Variants in LSAMP observed in about 807,000 individuals in gnomAD.
LSAMP encodes the protein limbic system-associated membrane protein.
Under a neutral mutation model 38.6 loss-of-function variants are expected in LSAMP, and 7 were observed. The ratio of observed to expected loss-of-function variants is 0.18; its 90% CI spans 0.10 to 0.34. The LOEUF (loss-of-function observed/expected upper bound fraction) is 0.34, where lower values mean the gene tolerates loss of function less well. LSAMP is among the 10% of genes least tolerant of loss of function. The pLI, the probability that LSAMP is intolerant of heterozygous loss-of-function variation, is 1.00. For synonymous variants in LSAMP, 154 were observed against 166.8 expected, an observed-to-expected ratio of 0.92 and a Z score of 0.59; for missense variants, 313 against 420.0, an observed-to-expected ratio of 0.75 and a Z score of 2.23.
chr3:116,192,204 G>C (rs1416832817), intron 1 of LSAMP, among the ~76,000 whole-genome samples: 1 of 152,212 alleles, frequency 6.6e-6, no homozygotes, highest in Non-Finnish European at 1.5e-5. Context: ...GCCAAACAAG[G>C]GCTTAGACAA....
chr3:116,025,858 C>T (rs1488973163), intron 2 of LSAMP, among the ~76,000 whole-genome samples: 4 of 152,100 alleles, frequency 2.6e-5, no homozygotes, highest in African/African-American at 9.7e-5. Flanking sequence ...TTGAATACCA[C>T]ACTATTATGT....
At chr3:115,888,308 CT>C (rs1169616263) in intron 3 of LSAMP, among the ~76,000 whole-genome samples, 1 of 151,878 alleles carries the variant, frequency 6.6e-6, no homozygotes, top group Non-Finnish European at 1.5e-5. Context: ...ACATCCATCC[CT>C]TAATACATTG....
rs114885910 is a variant in LSAMP, at chr3:115,862,447, C to T, written c.515-9830G>A. 7.5e-3 allele frequency among the ~76,000 whole-genome samples: 1,148 copies of T among 152,266 alleles called. 11 individuals are homozygous for T. The highest frequency in any genetic ancestry group is 0.026 in the African/African-American group (1,089 of 41,554). On this transcript the variant is annotated intron_variant, in intron 3 of 6. Coordinates refer to ENST00000490035, the MANE Select transcript of LSAMP (RefSeq NM_002338.5). ...GCCCTTCACCCTTTCTTAACAGAAC[C>T]TGATGTTGCAATGACCTCATATAGG...
intron 1 of LSAMP, among the ~76,000 whole-genome samples, chr3:116,209,109 G>GT (rs1486287682): frequency 6.6e-6 from 1 of 152,310 alleles, no homozygotes; most frequent in African/African-American, 2.4e-5. Flanking sequence ...GTGGTGTGCC[G>GT]TTTTTTAAGC....
intron 1 of LSAMP, among the ~76,000 whole-genome samples, chr3:116,283,954 C>T (rs1385371238): frequency 1.3e-5 from 2 of 151,982 alleles, no homozygotes; most frequent in South Asian, 2.1e-4. Context: ...TGCAGTGAGC[C>T]GAGGTTGCGC....
Position 116,089,840 on chromosome 3 carries a change from A to T in LSAMP, c.156-3284T>A, listed in dbSNP as rs867392827. Among the ~76,000 whole-genome samples, 4 of 152,074 alleles carry T rather than the reference A, an allele frequency of 2.6e-5. No homozygotes were observed. In the East Asian group the frequency reaches 5.8e-4, roughly 22 times the overall value. On this transcript the variant is annotated intron_variant, in intron 1 of 6. Transcript: ENST00000490035. Reference sequence around the variant, plus strand: ...AATAAAAAGGAAACCACTTCTCCAGATCTTTCAGGGTTCCTTTTTATGTAC... The same window carrying T: ...AATAAAAAGGAAACCACTTCTCCAGTTCTTTCAGGGTTCCTTTTTATGTAC...
In LSAMP at chr3:116,263,184, G is replaced by A. The variant is rs966694418; in HGVS notation, c.156-176628C>T. 9.2e-5 allele frequency among the ~76,000 whole-genome samples: 14 copies of A among 152,132 alleles called. No individual in the cohort carries two copies. In the East Asian group the frequency reaches 9.7e-4, roughly 10 times the overall value. On this transcript the variant is annotated intron_variant, in intron 1 of 6. Coordinates refer to ENST00000490035, the MANE Select transcript of LSAMP (RefSeq NM_002338.5). ...AAAGAATGTAATCAGGACAAAAATA[G>A]GAAGGTGATCATAATGAACTATGTC...
intron 3 of LSAMP, among the ~76,000 whole-genome samples, chr3:115,893,599 GA>G (rs1936655679): frequency 6.6e-6 from 1 of 151,846 alleles, no homozygotes; most frequent in Non-Finnish European, 1.5e-5. Context: ...TCATAGTAGA[GA>G]AAAATTGAGT....
At chr3:115,904,212 G>C (rs909973256) in intron 3 of LSAMP, among the ~76,000 whole-genome samples, 2 of 151,886 alleles carry the variant, frequency 1.3e-5, no homozygotes, top group African/African-American at 4.8e-5. Flanking sequence ...AAAAGATAAA[G>C]AGCTATTAAA....
At chr3:116,352,996 T>C (rs1158769833) in intron 1 of LSAMP, among the ~76,000 whole-genome samples, 6 of 152,122 alleles carry the variant, frequency 3.9e-5, no homozygotes, top group African/African-American at 9.6e-5. Flanking sequence ...TAAATACAGG[T>C]CAGCTTCCTC....
chr3:116,000,691 A>G (rs1486063417), intron 3 of LSAMP, among the ~76,000 whole-genome samples: 5 of 152,160 alleles, frequency 3.3e-5, no homozygotes, highest in African/African-American at 1.2e-4. Context: ...TTCAAGTAAC[A>G]CATGTTATCA....
At chr3:115,826,094 T>G (rs1363200497) in intron 6 of LSAMP, among the ~76,000 whole-genome samples, 3 of 150,774 alleles carry the variant, frequency 2.0e-5, no homozygotes, top group African/African-American at 7.4e-5. Flanking sequence ...CTTCTTCTCT[T>G]TCTGTCTTTT....
intron 3 of LSAMP, among the ~76,000 whole-genome samples, chr3:115,927,718 C>T (rs1159007497): frequency 6.6e-5 from 10 of 152,140 alleles, no homozygotes. Flanking sequence ...GGGCTTTGCA[C>T]AGGCTGTACG....
chr3:115,852,697 C>T, intron 3 of LSAMP, 80 bp from the exon 4 acceptor site: 2 of 1,269,712 alleles, frequency 1.6e-6, no homozygotes, highest in Non-Finnish European at 2.1e-6. Context: ...TTTTAAAAGC[C>T]ATAAATCCAC....
At chr3:116,178,216 G>A (rs1207944854) in intron 1 of LSAMP, among the ~76,000 whole-genome samples, 1 of 152,062 alleles carries the variant, frequency 6.6e-6, no homozygotes, top group Non-Finnish European at 1.5e-5. Flanking sequence ...ACCCAGGCTG[G>A]AGTGTAATGG....
At chr3:116,164,691 T>TATATATATATAAAATCCAA (rs1226113401) in intron 1 of LSAMP, among the ~76,000 whole-genome samples, 3 of 83,452 alleles carry the variant, frequency 3.6e-5, no homozygotes, top group Admixed American at 2.8e-4. Context: ...ATAATCCAAA[T>TATATATATATAAAATCCAA]ATATATATAT....
In LSAMP at chr3:116,034,443, T is replaced by A. The variant is rs141531491; in HGVS notation, c.389-14803A>T. On this transcript the variant is annotated intron_variant, in intron 2 of 6. Transcript: ENST00000490035. ...GCCTTTGGCAAGTCACTTAACCTCATCTGGAATATAACTTGGCCCCCAGAG... is the reference window on the plus strand; with the variant it reads ...GCCTTTGGCAAGTCACTTAACCTCAACTGGAATATAACTTGGCCCCCAGAG... 7.6e-4 allele frequency among the ~76,000 whole-genome samples: 116 copies of A among 152,206 alleles called. 1 individual carries two copies. The East Asian group carries it at 0.016, about 22-fold the overall frequency.
chr3:116,329,457 ATTG>A (rs1342381449), intron 1 of LSAMP, among the ~76,000 whole-genome samples: 6 of 152,272 alleles, frequency 3.9e-5, no homozygotes, highest in African/African-American at 1.4e-4. Flanking sequence ...ATGACTGAAA[ATTG>A]TTGGCAGAGA....
chr3:115,871,665 G>A lies in LSAMP; in HGVS notation c.515-19048C>T, dbSNP rs76047292. On this transcript the variant is annotated intron_variant, in intron 3 of 6. Coordinates refer to ENST00000490035, the MANE Select transcript of LSAMP (RefSeq NM_002338.5). The stretch of plus-strand genomic sequence containing the variant: ...AAAGAGAGAGAGGCAGAGAGATAGA[G>A]GGCTTCAACCTCCTACTCGTTGACA... Among the ~76,000 whole-genome samples, 30 of 151,722 alleles carry A rather than the reference G, an allele frequency of 2.0e-4. No homozygotes were observed. The East Asian group carries it at 5.6e-3, about 29-fold the overall frequency.
Sources: allele counts gnomAD v4.1 joint callset (sites outside exome capture counted in the v4.1 genomes callset), GRCh38; gene constraint gnomAD v4.1.1; transcripts MANE v1.5; gene names NCBI Gene and HGNC (gene_info 2026-07-23, HGNC 2026-07-21).